The following MMS19 variants were observed in gnomAD, a reference collection of about 807,000 sequenced individuals.
The protein encoded by MMS19 is MMS19 cytosolic iron-sulfur assembly component.
MMS19 carries 77 observed loss-of-function variants against 129.8 expected under a neutral mutation model. That is an observed-to-expected ratio of 0.59 (90% CI 0.49 to 0.72). The LOEUF is 0.72. Ranked by LOEUF, MMS19 falls within the 30% of genes least tolerant of loss-of-function variation. The pLI, the probability that MMS19 is intolerant of heterozygous loss-of-function variation, is 0.00. For missense variants in MMS19, 1,168 were observed against 1,266.3 expected (o/e 0.92, Z 1.18); for synonymous variants, 491 against 502.8 (o/e 0.98, Z 0.31).
At chr10:97,462,195 A>C in intron 20 of MMS19, 76 bp from the exon 21 acceptor site, 1 of 1,047,206 alleles carries the variant, frequency 9.5e-7, no homozygotes, top group Admixed American at 2.0e-5. Flanking sequence ...CGTGCTTTTC[A>C]ACCTAGGGTT....
rs1295386288 is a variant in MMS19, at chr10:97,484,163, AAAAT to A, written c.113-16_113-13del. The A allele has an allele frequency of 2.0e-6, 3 of 1,468,130 alleles. No individual in the cohort carries two copies. The highest frequency in any genetic ancestry group is 2.7e-6 in the Non-Finnish European group (3 of 1,091,170). 90.9% of individuals were successfully genotyped at this position (1,468,130 alleles called of 1,614,324 possible). The stretch of plus-strand genomic sequence containing the variant: ...GCCAGATTTCACATCTGCAGGAAAT[AAAAT>A]AAATAAATATGAAAAATAAAAAAAA... On this transcript the variant is annotated splice_polypyrimidine_tract_variant and intron_variant, in intron 1 of 30. Transcript: ENST00000438925.
intron 1 of MMS19, among the ~76,000 whole-genome samples, chr10:97,492,198 C>T (rs1043482661): frequency 2.2e-4 from 32 of 148,434 alleles, no homozygotes; most frequent in Non-Finnish European, 1.0e-4. Context: ...AGGCCGGGCG[C>T]GGTGGTTCAC....
intron 4 of MMS19, 64 bp from the exon 5 acceptor site, chr10:97,477,993 C>G: frequency 9.2e-7 from 1 of 1,083,728 alleles, no homozygotes; most frequent in South Asian, 1.6e-5. Context: ...AAGACACAAC[C>G]CTACGACAGG....
At chr10:97,469,779 G>A (rs372367606) in intron 10 of MMS19, 56 bp from the exon 11 acceptor site, 14 of 1,497,700 alleles carry the variant, frequency 9.3e-6, no homozygotes, top group African/African-American at 8.2e-5. Context: ...CCTAGGATGT[G>A]CAGGTACCTC....
chr10:97,477,563 T>C, intron 5 of MMS19, 147 bp from the exon 6 acceptor site: 3 of 1,149,764 alleles, frequency 2.6e-6, no homozygotes, highest in Non-Finnish European at 3.7e-6. Flanking sequence ...AGAAAGGGTA[T>C]GGATATTGAC....
chr10:97,473,250 A>G (rs1356908712), intron 8 of MMS19, among the ~76,000 whole-genome samples: 1 of 151,748 alleles, frequency 6.6e-6, no homozygotes, highest in Admixed American at 6.6e-5. Flanking sequence ...TGGTCAGGCT[A>G]GTCTCGAACT....
chr10:97,467,530 C>G lies in MMS19; in HGVS notation c.1272G>C (p.Gln424His), dbSNP rs2033764937. The G allele has an allele frequency of 6.2e-7, 1 of 1,613,866 alleles. No individual in the cohort carries two copies. Among genetic ancestry groups the G allele is most frequent in the African/African-American group, 1.3e-5 (1 of 74,940 alleles). The change falls in exon 14 of 31, where the codon CAG becomes CAC. Residue 424 changes from glutamine (Q) to histidine (H), a missense_variant. Around this residue, in one of 3 missense-constraint regions of MMS19, gnomAD observed 831 missense variants for 910.8 expected, o/e 0.91. Transcript: ENST00000438925. ...LEMLLGFLKL[Q>H]QKWSYEDKDQ... ...CTTTGTCTTCATAGCTCCATTTCTG[C>G]TGCAGCTTCAAGAAACCCAGGAGCA...
intron 17 of MMS19, 49 bp from the exon 18 acceptor site, chr10:97,466,003 A>G (rs2033398717): frequency 1.9e-6 from 3 of 1,612,104 alleles, no homozygotes; most frequent in South Asian, 2.2e-5. Context: ...AGGAAGCACG[A>G]AGGCCCCAAA....
intron 1 of MMS19, among the ~76,000 whole-genome samples, chr10:97,488,907 A>G (rs2038390989): frequency 6.6e-6 from 1 of 152,244 alleles, no homozygotes; most frequent in African/African-American, 2.4e-5. Context: ...GAATTATAGT[A>G]CATCCATACA....
rs2030460788 is a variant in MMS19, at chr10:97,458,409, C to T, written c.*283G>A. ...GGGCCACACTCATATGCACTCACCC[C>T]TCAGCAGCATATCGCCCCTTTTCTG... On this transcript the variant is annotated 3_prime_UTR_variant, in exon 31 of 31. Transcript: ENST00000438925. 1 of 446,126 alleles carries T rather than the reference C, an allele frequency of 2.2e-6. No individual in the cohort carries two copies. The highest frequency in any genetic ancestry group is 3.8e-5 in the Admixed American group (1 of 26,310). 27.6% of individuals were successfully genotyped at this position (446,126 alleles called of 1,614,324 possible). A position where few individuals can be genotyped will look rare whatever the true frequency, so the allele number is the denominator to read the frequency against.
Position 97,458,701 on chromosome 10 carries a change from A to G in MMS19, c.3084T>C (p.Pro1028=), listed in dbSNP as rs145422565. The G allele has an allele frequency of 3.7e-6, 6 of 1,609,188 alleles. No homozygotes were observed. In the African/African-American group the frequency reaches 8.0e-5, roughly 22 times the overall value. The change falls in exon 31 of 31, where the codon CCT becomes CCC. Residue 1028 remains proline, a synonymous_variant. Coordinates refer to ENST00000438925, the MANE Select transcript of MMS19 (RefSeq NM_022362.5). The part of the protein sequence containing the change: ...ARGEWFLLGS[P]GS The stretch of plus-strand genomic sequence containing the variant: ...GGCCAGGACTGAGGGCTCAGCTGCC[A>G]GGGCTCCCCAACAGAAACCTGTAGG...
rs779814888 is a variant in MMS19 at position 97,459,422 on chromosome 10, C to G, written c.2844G>C (p.Met948Ile). The G allele has an allele frequency of 3.1e-6, 5 of 1,608,636 alleles. No individual in the cohort carries two copies. The South Asian group carries it at 4.4e-5, about 14-fold the overall frequency. The change falls in exon 28 of 31, where the codon ATG (methionine) becomes ATC (isoleucine). Residue 948 changes from methionine (M) to isoleucine (I), a missense_variant. Around this residue, in one of 3 missense-constraint regions of MMS19, gnomAD observed 831 missense variants for 910.8 expected, o/e 0.91. Transcript: ENST00000438925. ...TGACGAGGGTGTCCACGTGAAGACT[C>G]ATGACTTGGGGTGCTTCCAGTAGAA... Reference protein sequence around the residue: ...QPLLLEAPQVMSLHVDTLVTK... With the variant: ...QPLLLEAPQVISLHVDTLVTK...
chr10:97,495,084 GGAGGGGTAGGGAACTCAAGCTGGGCCTT>G (rs2039546788), intron 1 of MMS19, among the ~76,000 whole-genome samples: 2 of 152,330 alleles, frequency 1.3e-5, no homozygotes, highest in East Asian at 1.9e-4. Flanking sequence ...AAACCCTTGG[GGAGGGGTAGGGAACTCAAGCTGGGCCTT>G]GACTCTCAGG....
chr10:97,498,156 C>T, intron 1 of MMS19, 117 bp downstream of exon 1: 1 of 965,372 alleles, frequency 1.0e-6, no homozygotes, highest in Non-Finnish European at 1.5e-6. Context: ...CACTAACCAG[C>T]CTTGAGACCA....
Position 97,476,747 on chromosome 10 carries a change from G to A in MMS19, c.623-3C>T, listed in dbSNP as rs755998597. On this transcript the variant is annotated splice_polypyrimidine_tract_variant and splice_region_variant and intron_variant, in intron 7 of 30. Transcript: ENST00000438925. ...AAACAACTCCTCCACAAAGGGTCCT[G>A]TGGCAACAGAGAAAAAATGAGGTTG... 5.6e-6 allele frequency: 9 copies of A among 1,613,806 alleles called. No individual in the cohort carries two copies. The African/African-American group carries it at 1.1e-4, about 19-fold the overall frequency.
At chr10:97,468,919 G>T in intron 12 of MMS19, 47 bp downstream of exon 12, 1 of 1,552,176 alleles carries the variant, frequency 6.4e-7, no homozygotes. Flanking sequence ...AAGGAATGTC[G>T]TTTCTATTGT....
At chr10:97,462,907 T>C (rs1225645483) in intron 19 of MMS19, 1 of 482,266 alleles carries the variant, frequency 2.1e-6, no homozygotes, top group African/African-American at 2.0e-5. Context: ...GCACAGTCTT[T>C]AGACTAGGCC....
intron 23 of MMS19, 171 bp from the exon 24 acceptor site, chr10:97,461,178 A>G (rs774319708): frequency 2.9e-5 from 18 of 630,478 alleles, no homozygotes; most frequent in Non-Finnish European, 4.7e-5. Context: ...TGGTATTCTC[A>G]TAATACAGAG....
intron 3 of MMS19, among the ~76,000 whole-genome samples, chr10:97,480,718 C>T (rs1006586959): frequency 3.0e-4 from 46 of 152,102 alleles, no homozygotes; most frequent in Admixed American, 1.8e-3. Context: ...TAGCTGCAGG[C>T]GCCCAACACC....
Sources: gnomAD v4.1 joint callset for allele counts (sites outside exome capture counted in the v4.1 genomes callset) on GRCh38, gnomAD v4.1.1 for gene constraint, gnomAD v4.1.1 regional missense constraint, MANE v1.5 for transcripts, NCBI Gene and HGNC (gene_info 2026-07-23, HGNC 2026-07-21) for gene names.